The following DMXL2 variants were observed in gnomAD, a reference collection of about 807,000 sequenced individuals.
DMXL2 encodes dmX-like protein 2.
A neutral mutation model predicts 331.1 loss-of-function variants in DMXL2; 103 were observed. That is an observed-to-expected ratio of 0.31 (90% CI 0.27 to 0.37). The LOEUF (loss-of-function observed/expected upper bound fraction) is 0.37, where lower values mean the gene tolerates loss of function less well. Among genes scored for constraint, DMXL2 ranks in the 10% least tolerant of loss-of-function variants. DMXL2 has a pLI of 1.00. For missense variants in DMXL2, 3,171 were observed against 3,642.9 expected, an observed-to-expected ratio of 0.87 and a Z score of 3.33; for synonymous variants, 1,281 against 1,252.1, an observed-to-expected ratio of 1.02 and a Z score of -0.49.
chr15:51,553,853 T>G (rs1424583641), intron 6 of DMXL2, among the ~76,000 whole-genome samples: 1 of 152,178 alleles, frequency 6.6e-6, no homozygotes, highest in African/African-American at 2.4e-5. Context: ...ATTTATTGTT[T>G]ATTTTATTGG....
rs1207517759 is a variant in DMXL2, at chr15:51,448,064, ATAGTT to A, written c.*915_*919del. On this transcript the variant is annotated 3_prime_UTR_variant, in exon 44 of 44. Transcript: ENST00000560891. ...TTTACAAGCAAATATTTAACTCTGC[ATAGTT>A]TATACAATAGGCTGTGGCAATAAAT... 4 of 152,678 alleles carry A rather than the reference ATAGTT, an allele frequency of 2.6e-5. No individual in the cohort carries two copies. The highest frequency in any genetic ancestry group is 4.4e-5 in the Non-Finnish European group (3 of 68,044). The allele number at this position is 152,678 out of a possible 1,614,324, so 9.5% of individuals were successfully genotyped here. A position where few individuals can be genotyped will look rare whatever the true frequency, so the allele number is the denominator to read the frequency against.
chr15:51,582,945 C>T (rs1595608698), intron 1 of DMXL2, among the ~76,000 whole-genome samples: 1 of 151,798 alleles, frequency 6.6e-6, no homozygotes, highest in South Asian at 2.1e-4. Flanking sequence ...CCTATGAACC[C>T]TTCCTGAAAT....
chr15:51,605,040 T>TAA lies in DMXL2; in HGVS notation c.87+17418_87+17419insTT, dbSNP rs527285284. 1.7e-3 allele frequency among the ~76,000 whole-genome samples: 197 copies of TAA among 113,048 alleles called. 11 individuals are homozygous for TAA. In the East Asian group the frequency reaches 0.032, roughly 18 times the overall value. 74.2% of individuals were successfully genotyped at this position (113,048 alleles called of 152,430 possible). On this transcript the variant is annotated intron_variant, in intron 1 of 43. Coordinates refer to ENST00000560891, the MANE Select transcript of DMXL2 (RefSeq NM_001378457.1). ...GTTGGAACAACTGGATGTTCATATA[T>TAA]CAAAAAAAAAATCTAATCTGATATT...
At chr15:51,508,321 TATA>T (rs1323539218) in intron 15 of DMXL2, among the ~76,000 whole-genome samples, 2 of 152,062 alleles carry the variant, frequency 1.3e-5, no homozygotes, top group African/African-American at 2.4e-5. Flanking sequence ...GAACTTAAAG[TATA>T]ATAATAATTT....
chr15:51,495,850 A>C (rs934228316), intron 18 of DMXL2, among the ~76,000 whole-genome samples: 1 of 151,938 alleles, frequency 6.6e-6, no homozygotes, highest in Non-Finnish European at 1.5e-5. Context: ...CCAGAAAAAA[A>C]AAAACAAAAA....
intron 6 of DMXL2, among the ~76,000 whole-genome samples, chr15:51,555,911 T>A (rs1162711164): frequency 6.6e-6 from 1 of 152,182 alleles, no homozygotes; most frequent in African/African-American, 2.4e-5. Context: ...CAATCTTACA[T>A]AAACTCTTCA....
chr15:51,609,660 G>A (rs1285401153), intron 1 of DMXL2, among the ~76,000 whole-genome samples: 1 of 152,120 alleles, frequency 6.6e-6, no homozygotes, highest in Non-Finnish European at 1.5e-5. Context: ...CGGGTGTGGT[G>A]GCTCACGCCT....
At chr15:51,490,136 T>C (rs2042690633) in intron 20 of DMXL2, among the ~76,000 whole-genome samples, 1 of 152,250 alleles carries the variant, frequency 6.6e-6, no homozygotes, top group Non-Finnish European at 1.5e-5. Flanking sequence ...AATTCCTTCT[T>C]ATATCTGTGC....
In DMXL2 at chr15:51,535,107, A is replaced by G. The variant is rs535569802; in HGVS notation, c.2436+556T>C. On this transcript the variant is annotated intron_variant, in intron 13 of 43. Transcript: ENST00000560891. ...TGCTCAAAAATAGTCATTGGTTTTC[A>G]ATACTGGAAACATTTTTATTAGAAT... Among the ~76,000 whole-genome samples, 6 of 152,304 alleles carry G rather than the reference A, an allele frequency of 3.9e-5. No individual in the cohort carries two copies. In the South Asian group the frequency reaches 1.2e-3, roughly 32 times the overall value.
chr15:51,538,204 G>C lies in DMXL2; in HGVS notation c.1345+9C>G. The C allele has an allele frequency of 6.2e-7, 1 of 1,607,094 alleles. No homozygotes were observed. Among genetic ancestry groups the C allele is most frequent in the Non-Finnish European group, 8.5e-7 (1 of 1,175,826 alleles). On this transcript the variant is annotated intron_variant, in intron 10 of 43. Transcript: ENST00000560891. ...TGGAGTAAGTAAAATCTGAACACAG[G>C]ATACTAACCATGGTCTAATTTCATA...
At chr15:51,602,082 C>G (rs936220176) in intron 1 of DMXL2, among the ~76,000 whole-genome samples, 3 of 152,138 alleles carry the variant, frequency 2.0e-5, no homozygotes, top group African/African-American at 4.8e-5. Flanking sequence ...AAGCACAGAA[C>G]AGCTATTTGA....
intron 1 of DMXL2, among the ~76,000 whole-genome samples, chr15:51,614,303 T>G (rs1440372352): frequency 6.6e-6 from 1 of 152,244 alleles, no homozygotes; most frequent in Non-Finnish European, 1.5e-5. Flanking sequence ...AGCTACCCAG[T>G]CTGTATTATT....
chr15:51,574,837 C>T (rs2141123305), intron 2 of DMXL2, among the ~76,000 whole-genome samples: 1 of 152,238 alleles, frequency 6.6e-6, no homozygotes, highest in East Asian at 1.9e-4. Flanking sequence ...GTTTTACTTC[C>T]AGAGAATGTG....
At chr15:51,612,758 G>A (rs1446333107) in intron 1 of DMXL2, among the ~76,000 whole-genome samples, 1 of 152,152 alleles carries the variant, frequency 6.6e-6, no homozygotes, top group Admixed American at 6.5e-5. Flanking sequence ...TCAGGAGACA[G>A]GGTTTGAGAG....
chr15:51,502,862 C>A lies in DMXL2; in HGVS notation c.2936G>T (p.Ser979Ile). The A allele has an allele frequency of 5.0e-6, 8 of 1,614,016 alleles. No individual in the cohort carries two copies. The highest frequency in any genetic ancestry group is 6.8e-6 in the Non-Finnish European group (8 of 1,179,994). ...TGATTCTGGGAGATCAAGGGGTTGG[C>A]TATACACCAGTCTAGAACTCAGAAT... ...KLILSSRLVY[S>I]QPLDLPESVE... The change falls in exon 17 of 44, where the codon AGC becomes ATC. Residue 979 changes from serine to isoleucine, a missense_variant. Transcript: ENST00000560891.
intron 1 of DMXL2, among the ~76,000 whole-genome samples, chr15:51,603,087 G>A (rs1055101154): frequency 2.6e-5 from 4 of 151,932 alleles, no homozygotes; most frequent in South Asian, 2.1e-4. Context: ...AAAAAGAAGA[G>A]TAAAACAATT....
intron 32 of DMXL2, among the ~76,000 whole-genome samples, chr15:51,464,279 G>C (rs1252043564): frequency 1.3e-5 from 2 of 152,134 alleles, no homozygotes; most frequent in Admixed American, 6.5e-5. Flanking sequence ...CTCGCCTGTT[G>C]TTCCAGCTAC....
At position 51,536,448 on chromosome 15, in the gene DMXL2, C is replaced by CAGG. The variant is rs777586496; in HGVS notation, c.2029_2031dup (p.Pro677dup). The CAGG allele has an allele frequency of 1.9e-6, 3 of 1,613,958 alleles. No homozygotes were observed. Among genetic ancestry groups the CAGG allele is most frequent in the Admixed American group, 3.3e-5 (2 of 59,974 alleles). ...TCTGAGTCCCACTGACAATCTAATT[C>CAGG]AGGAGTCAATAGAGCATTATGATGA... is the stretch of plus-strand genomic sequence containing the variant. On this transcript the variant is annotated inframe_insertion, in exon 12 of 44. Transcript: ENST00000560891.
At chr15:51,533,569 G>C (rs2048123565) in intron 13 of DMXL2, among the ~76,000 whole-genome samples, 1 of 152,198 alleles carries the variant, frequency 6.6e-6, no homozygotes, top group Non-Finnish European at 1.5e-5. Context: ...AGACCAAGGA[G>C]CTTAATGTCT....
Sources: gnomAD v4.1 joint callset for allele counts (sites outside exome capture counted in the v4.1 genomes callset) on GRCh38, gnomAD v4.1.1 for gene constraint, MANE v1.5 for transcripts, NCBI Gene and HGNC (gene_info 2026-07-23, HGNC 2026-07-21) for gene names.